The following DHRS3 variants were observed in gnomAD, a reference collection of about 807,000 sequenced individuals.
The protein encoded by DHRS3 is short-chain dehydrogenase/reductase 3.
DHRS3 carries 14 observed loss-of-function variants against 27.2 expected under a neutral mutation model. That is an observed-to-expected ratio of 0.52 (90% confidence interval 0.34 to 0.81). The LOEUF is 0.81. Among genes scored for constraint, DHRS3 ranks in the 30% least tolerant of loss-of-function variants. The pLI is 0.01. For missense variants in DHRS3, 322 were observed against 406.2 expected (o/e 0.79, Z 1.78); for synonymous variants, 165 against 175.9 (o/e 0.94, Z 0.49).
At chr1:12,607,796 T>G (rs1018563857) in intron 1 of DHRS3, among the ~76,000 whole-genome samples, 1 of 152,186 alleles carries the variant, frequency 6.6e-6, no homozygotes, top group African/African-American at 2.4e-5. Flanking sequence ...AAAAGTGTCT[T>G]GTAACTTGAT....
At chr1:12,570,357 G>T (rs1192521155) in intron 5 of DHRS3, among the ~76,000 whole-genome samples, 1 of 152,196 alleles carries the variant, frequency 6.6e-6, no homozygotes, top group Non-Finnish European at 1.5e-5. Flanking sequence ...TGATCCCCAG[G>T]CCCTCACATG....
chr1:12,615,679 T>C (rs1348997905), intron 1 of DHRS3, among the ~76,000 whole-genome samples: 2 of 152,126 alleles, frequency 1.3e-5, no homozygotes, highest in Admixed American at 1.3e-4. Flanking sequence ...TCACATGCAA[T>C]TGTCCCAAAC....
At position 12,617,517 on chromosome 1, in the gene DHRS3, A is replaced by AAAC; in HGVS notation, c.-170_-169insGTT. 8.0e-5 allele frequency: 27 copies of AAAC among 337,222 alleles called. No homozygotes were observed. Among genetic ancestry groups the AAAC allele is most frequent in the East Asian group, 1.0e-4 (2 of 19,758 alleles). The allele number at this position is 337,222 out of a possible 1,614,324, so 20.9% of individuals were successfully genotyped here. On this transcript the variant is annotated 5_prime_UTR_variant, in exon 1 of 6. Coordinates refer to ENST00000616661, the MANE Select transcript of DHRS3 (RefSeq NM_004753.7). ...CCAAATGCAAAGCACCGGGTGAGAA[A>AAAC]AAGAAAAAAAAAAAAAAAAAAAAGA... is the stretch of plus-strand genomic sequence containing the variant.
At chr1:12,598,898 A>C (rs1293453439) in intron 1 of DHRS3, among the ~76,000 whole-genome samples, 1 of 152,216 alleles carries the variant, frequency 6.6e-6, no homozygotes, top group Non-Finnish European at 1.5e-5. Flanking sequence ...GAAAGAATTC[A>C]GCTCTTGTTT....
chr1:12,589,648 A>G (rs1646728940), intron 1 of DHRS3, among the ~76,000 whole-genome samples: 1 of 151,942 alleles, frequency 6.6e-6, no homozygotes, highest in Non-Finnish European at 1.5e-5. Context: ...TAAAACACCC[A>G]CTTTGAAGAG....
intron 1 of DHRS3, among the ~76,000 whole-genome samples, chr1:12,605,968 G>A (rs1391066701): frequency 3.3e-5 from 5 of 151,910 alleles, no homozygotes; most frequent in Admixed American, 1.3e-4. Flanking sequence ...GTGAAATCCC[G>A]TCTCTACTAA....
At position 12,580,638 on chromosome 1, in the gene DHRS3, C is replaced by T. The variant is rs1336256076; in HGVS notation, c.224G>A (p.Cys75Tyr). ...KIVLWGRTEK[C>Y]LKETTEEIRQ... is the part of the protein sequence containing the mutation. Reference sequence around the variant, plus strand: ...GATCTCCTCCGTCGTCTCCTTCAGGCATTTCTCAGTCCGGCCCCAGAGAAC... The same window carrying T: ...GATCTCCTCCGTCGTCTCCTTCAGGTATTTCTCAGTCCGGCCCCAGAGAAC... The change falls in exon 2 of 6, where the codon TGC (cysteine) becomes TAC (tyrosine). Residue 75 changes from cysteine (C) to tyrosine (Y), a missense_variant. Coordinates refer to ENST00000616661, the MANE Select transcript of DHRS3 (RefSeq NM_004753.7). 4 of 1,613,914 alleles carry T rather than the reference C, an allele frequency of 2.5e-6. No individual in the cohort carries two copies. Among genetic ancestry groups the T allele is most frequent in the Non-Finnish European group, 3.4e-6 (4 of 1,180,004 alleles).
At chr1:12,601,720 G>T (rs116434031) in intron 1 of DHRS3, among the ~76,000 whole-genome samples, 72 of 152,288 alleles carry the variant, frequency 4.7e-4, no homozygotes, top group Middle Eastern at 3.4e-3. Context: ...AAGACTCATT[G>T]GTTACAAGCA....
In DHRS3 at chr1:12,579,380, G is replaced by A. The variant is rs555619181; in HGVS notation, c.372C>T (p.Ala124=). The change falls in exon 3 of 6, where the codon GCC becomes GCT. Residue 124 remains alanine (A), a synonymous_variant. Transcript: ENST00000616661. ...TTAGGCTCTTCCCATGGACCACGGC[G>A]GCATTGTTCACCAGGATGGTGATGT... ...VGDITILVNN[A]AVVHGKSLMD... 8.7e-6 allele frequency: 14 copies of A among 1,614,178 alleles called. No individual in the cohort carries two copies. The highest frequency in any genetic ancestry group is 1.6e-4 in the Middle Eastern group (1 of 6,062).
rs58614555 is a variant in DHRS3 at position 12,617,520 on chromosome 1, GAAAAA to G, written c.-177_-173del. On this transcript the variant is annotated 5_prime_UTR_variant, in exon 1 of 6. Transcript: ENST00000616661. ...AATGCAAAGCACCGGGTGAGAAAAAGAAAAAAAAAAAAAAAAAAAAGATAAATTCT... is the reference window on the plus strand; with the variant it reads ...AATGCAAAGCACCGGGTGAGAAAAAGAAAAAAAAAAAAAAAGATAAATTCT... The G allele has an allele frequency of 7.6e-5, 10 of 131,860 alleles. No homozygotes were observed. The highest frequency in any genetic ancestry group is 2.8e-4 in the East Asian group (2 of 7,162). 8.2% of individuals were successfully genotyped at this position (131,860 alleles called of 1,614,324 possible).
At chr1:12,606,220 A>T (rs1341242321) in intron 1 of DHRS3, among the ~76,000 whole-genome samples, 1 of 151,788 alleles carries the variant, frequency 6.6e-6, no homozygotes, top group African/African-American at 2.4e-5. Flanking sequence ...TGTTGAAGAT[A>T]AAGCCTGAAG....
At chr1:12,606,311 CAAAAAA>C (rs56928608) in intron 1 of DHRS3, among the ~76,000 whole-genome samples, 5 of 98,248 alleles carry the variant, frequency 5.1e-5, no homozygotes, top group African/African-American at 1.7e-4. Flanking sequence ...CAATTAACAG[CAAAAAA>C]AAAAAAAAAA....
rs1340967157 is a variant in DHRS3, at chr1:12,586,994, C to G, written c.196-6328G>C. On this transcript the variant is annotated intron_variant, in intron 1 of 5. Coordinates refer to ENST00000616661, the MANE Select transcript of DHRS3 (RefSeq NM_004753.7). The surrounding 1 kb of genome is among the most constrained non-coding windows in gnomAD (Gnocchi z 5.0). The stretch of plus-strand genomic sequence containing the variant: ...CTCTGATACACCCTCTTCACTGCCT[C>G]TGATACACCCTCTTCACTGCCTCTG... 4.6e-5 allele frequency among the ~76,000 whole-genome samples: 7 copies of G among 152,178 alleles called. No individual in the cohort carries two copies. The highest frequency in any genetic ancestry group is 1.7e-4 in the African/African-American group (7 of 41,418).
intron 1 of DHRS3, among the ~76,000 whole-genome samples, chr1:12,582,839 C>CTCCATCCA (rs1191707118): frequency 1.6e-4 from 23 of 143,292 alleles, no homozygotes; most frequent in East Asian, 6.7e-4. Flanking sequence ...GTCTACCCAA[C>CTCCATCCA]TCCATCCATC....
Position 12,578,703 on chromosome 1 carries a change from C to T in DHRS3, c.698+15G>A. ...TGAGAAGGCTGGTCTCAAGGTGGGT[C>T]CCCTGCTCACTGACCTGACTCTCAT... On this transcript the variant is annotated intron_variant, in intron 4 of 5. Transcript: ENST00000616661. The surrounding 1 kb of genome is among the most constrained non-coding windows in gnomAD (Gnocchi z 4.5). 3 of 1,604,454 alleles carry T rather than the reference C, an allele frequency of 1.9e-6. No homozygotes were observed. The highest frequency in any genetic ancestry group is 1.7e-5 in the Admixed American group (1 of 59,876).
At position 12,586,828 on chromosome 1, in the gene DHRS3, G is replaced by GAGAA. The variant is rs75751663; in HGVS notation, c.196-6166_196-6163dup. ...TGCACCACCACTCACTGTCCTGTAAGAGAAAGCACATCTCCTCTCTTCAAG... is the reference window on the plus strand; with the variant it reads ...TGCACCACCACTCACTGTCCTGTAAGAGAAAGAAAGCACATCTCCTCTCTTCAAG... On this transcript the variant is annotated intron_variant, in intron 1 of 5. Transcript: ENST00000616661. The surrounding 1 kb of genome is among the most constrained non-coding windows in gnomAD (Gnocchi z 5.0). Among the ~76,000 whole-genome samples, 5,418 of 152,232 alleles carry GAGAA rather than the reference G, an allele frequency of 0.036. 259 individuals carry two copies. Among genetic ancestry groups the GAGAA allele is most frequent in the African/African-American group, 0.11 (4,557 of 41,494 alleles).
Position 12,574,771 on chromosome 1 carries a change from C to T in DHRS3, c.699-1918G>A, listed in dbSNP as rs531238215. On this transcript the variant is annotated intron_variant, in intron 4 of 5. Transcript: ENST00000616661. The surrounding 1 kb of genome is among the most constrained non-coding windows in gnomAD (Gnocchi z 4.6). ...CGCAGGATTTTCTCCTTCCTCTCCA[C>T]GGTGTGTGGGATGGGGACACGGGGA... Among the ~76,000 whole-genome samples the T allele has an allele frequency of 5.3e-5, 8 of 152,314 alleles. No individual in the cohort carries two copies. The highest frequency in any genetic ancestry group is 1.2e-4 in the African/African-American group (5 of 41,580).
chr1:12,569,409 G>A (rs1394759835), intron 5 of DHRS3, among the ~76,000 whole-genome samples: 1 of 151,686 alleles, frequency 6.6e-6, no homozygotes, highest in Non-Finnish European at 1.5e-5. Flanking sequence ...TACATAGTAG[G>A]TATATATATT....
chr1:12,613,130 G>A (rs1198640696), intron 1 of DHRS3, among the ~76,000 whole-genome samples: 1 of 152,060 alleles, frequency 6.6e-6, no homozygotes, highest in Non-Finnish European at 1.5e-5. Flanking sequence ...GATGAAAGGA[G>A]AGACTGGAGC....
Sources: gnomAD v4.1 joint callset for allele counts (sites outside exome capture counted in the v4.1 genomes callset) on GRCh38, gnomAD v4.1.1 for gene constraint, Gnocchi (gnomAD v3.1) non-coding constraint, MANE v1.5 for transcripts, NCBI Gene and HGNC (gene_info 2026-07-23, HGNC 2026-07-21) for gene names.